Variants in FRMD4A observed in about 807,000 individuals in gnomAD.
The protein encoded by FRMD4A is FERM domain-containing protein 4A.
Under a neutral mutation model 129.1 loss-of-function variants are expected in FRMD4A, and 29 were observed. The observed-to-expected ratio is 0.22, with a 90% CI of 0.17 to 0.31. FRMD4A has a LOEUF of 0.31. Among genes scored for constraint, FRMD4A ranks in the 10% least tolerant of loss-of-function variants. FRMD4A has a pLI of 1.00. For synonymous variants in FRMD4A, 634 were observed against 571.6 expected (o/e 1.11, Z -1.56); for missense variants, 1,272 against 1,375.8 (o/e 0.92, Z 1.19).
chr10:14,147,619 G>A (rs1262076007), intron 2 of FRMD4A, among the ~76,000 whole-genome samples: 21 of 152,014 alleles, frequency 1.4e-4, no homozygotes, highest in Admixed American at 2.6e-4. Context: ...CATAAGGAAC[G>A]TGCGACCTAG....
At chr10:13,957,327 T>A (rs959113097) in intron 2 of FRMD4A, among the ~76,000 whole-genome samples, 3 of 152,182 alleles carry the variant, frequency 2.0e-5, no homozygotes, top group African/African-American at 7.2e-5. Flanking sequence ...AATCTGGGCT[T>A]ACTGCAATCT....
intron 2 of FRMD4A, among the ~76,000 whole-genome samples, chr10:14,060,345 A>T (rs1565220127): frequency 6.6e-6 from 1 of 152,176 alleles, no homozygotes; most frequent in Non-Finnish European, 1.5e-5. Flanking sequence ...GGAACACTGA[A>T]CACATCCTTG....
chr10:14,270,692 G>T (rs537792760), intron 2 of FRMD4A, among the ~76,000 whole-genome samples: 6 of 152,314 alleles, frequency 3.9e-5, no homozygotes, highest in African/African-American at 1.4e-4. Context: ...CCTGTGAATA[G>T]GCTCTTGGAA....
At chr10:14,101,779 C>T (rs912386508) in intron 2 of FRMD4A, among the ~76,000 whole-genome samples, 1 of 151,198 alleles carries the variant, frequency 6.6e-6, no homozygotes, top group Middle Eastern at 3.2e-3. Flanking sequence ...CACAACACAA[C>T]ACATCTCTCC....
intron 4 of FRMD4A, among the ~76,000 whole-genome samples, chr10:13,799,386 G>C (rs976464061): frequency 6.6e-6 from 1 of 152,206 alleles, no homozygotes; most frequent in East Asian, 1.9e-4. Context: ...ACAAACTCCT[G>C]AACTCAGGCA....
chr10:14,207,787 T>C (rs908073623), intron 2 of FRMD4A, among the ~76,000 whole-genome samples: 2 of 151,974 alleles, frequency 1.3e-5, no homozygotes, highest in Non-Finnish European at 2.9e-5. Context: ...GTTACTAGTG[T>C]TTTTTATATA....
intron 17 of FRMD4A, among the ~76,000 whole-genome samples, chr10:13,669,057 G>GATT (rs541360128): frequency 3.3e-4 from 32 of 97,458 alleles, no homozygotes; most frequent in Non-Finnish European, 4.8e-4. Context: ...CTGAGCTTTA[G>GATT]TTTTTTTTTT....
At position 13,994,129 on chromosome 10, in the gene FRMD4A, C is replaced by A. The variant is rs1357566324; in HGVS notation, c.46-135217G>T. The stretch of plus-strand genomic sequence containing the variant: ...GGTTCAGCGATTCTGCTGTCTCAGC[C>A]TCCCGAGTAGCTGGGATGACAGGAG... On this transcript the variant is annotated intron_variant, in intron 2 of 24. Coordinates refer to ENST00000357447, the MANE Select transcript of FRMD4A (RefSeq NM_018027.5). Among the ~76,000 whole-genome samples, 4 of 150,714 alleles carry A rather than the reference C, an allele frequency of 2.7e-5. No homozygotes were observed. In the East Asian group the frequency reaches 5.8e-4, roughly 22 times the overall value.
chr10:14,067,279 G>A (rs1368719786), intron 2 of FRMD4A, among the ~76,000 whole-genome samples: 1 of 152,000 alleles, frequency 6.6e-6, no homozygotes, highest in Admixed American at 6.5e-5. Flanking sequence ...CCATGCCATT[G>A]CACTCCAGCC....
At chr10:13,976,652 T>C (rs757893819) in intron 2 of FRMD4A, among the ~76,000 whole-genome samples, 1 of 152,330 alleles carries the variant, frequency 6.6e-6, no homozygotes, top group Non-Finnish European at 1.5e-5. Context: ...GCAAGTAATG[T>C]GTAGTGCTAT....
rs78513234 is a variant in FRMD4A at position 14,025,344 on chromosome 10, T to C, written c.46-166432A>G. ...AATGTTTGGAAATTGTGGTAAAATA[T>C]ACCTCACATAAATTTTGCCATCTTA... On this transcript the variant is annotated intron_variant, in intron 2 of 24. Coordinates refer to ENST00000357447, the MANE Select transcript of FRMD4A (RefSeq NM_018027.5). Among the ~76,000 whole-genome samples the C allele has an allele frequency of 7.4e-3, 1,119 of 152,196 alleles. 51 individuals carry two copies. The East Asian group carries it at 0.1, about 14-fold the overall frequency.
chr10:13,868,954 G>A lies in FRMD4A; in HGVS notation c.46-10042C>T, dbSNP rs116093743. On this transcript the variant is annotated intron_variant, in intron 2 of 24. Coordinates refer to ENST00000357447, the MANE Select transcript of FRMD4A (RefSeq NM_018027.5). ...ATTGATGTAATAGAAAATGGAAATA[G>A]CAATGCATTCTTCAAAGCTCAACCC... Among the ~76,000 whole-genome samples, 607 of 152,298 alleles carry A rather than the reference G, an allele frequency of 4.0e-3. 2 individuals carry two copies. The highest frequency in any genetic ancestry group is 0.014 in the African/African-American group (581 of 41,566).
At chr10:13,705,668 C>T (rs2087353903) in intron 13 of FRMD4A, among the ~76,000 whole-genome samples, 1 of 152,172 alleles carries the variant, frequency 6.6e-6, no homozygotes, top group Non-Finnish European at 1.5e-5. Context: ...TTTGAAATCT[C>T]CCCGCCCACC....
intron 23 of FRMD4A, chr10:13,653,795 G>A (rs1372544214): frequency 6.5e-6 from 1 of 154,012 alleles, no homozygotes; most frequent in African/African-American, 2.4e-5. Flanking sequence ...CAGTAGTTCA[G>A]AATAGCCTCA....
intron 3 of FRMD4A, among the ~76,000 whole-genome samples, chr10:13,820,754 C>T (rs2093618098): frequency 6.6e-6 from 1 of 152,196 alleles, no homozygotes; most frequent in African/African-American, 2.4e-5. Flanking sequence ...CCGGATGGCA[C>T]AGCCACAGCC....
chr10:14,030,946 A>G (rs1833212658), intron 2 of FRMD4A, among the ~76,000 whole-genome samples: 1 of 152,118 alleles, frequency 6.6e-6, no homozygotes, highest in African/African-American at 2.4e-5. Context: ...ACCAGTCACA[A>G]GGATGAATTT....
chr10:14,186,823 A>G (rs1842159969), intron 2 of FRMD4A, among the ~76,000 whole-genome samples: 1 of 152,130 alleles, frequency 6.6e-6, no homozygotes, highest in Admixed American at 6.5e-5. Flanking sequence ...TGTACCCTTA[A>G]GGAATACCCT....
In FRMD4A at chr10:13,660,364, T is replaced by C; in HGVS notation, c.1850A>G (p.Asp617Gly). Residue 617 changes from aspartate to glycine, a missense_variant, in exon 20 of 25, where the codon GAT (aspartate) becomes GGT (glycine). This residue lies in a region of FRMD4A where 972 missense variants were observed against 892.3 expected (regional missense o/e 1.09). Transcript: ENST00000357447. ...KPKMWSESSLDEPYEKVKKRS... is the reference protein window; with the variant it reads ...KPKMWSESSLGEPYEKVKKRS... ...CTTCTTGACCTTCTCATAGGGTTCA[T>C]CTAAAGAGGACTCACTCCACATTTT... 1 of 1,614,150 alleles carries C rather than the reference T, an allele frequency of 6.2e-7. No homozygotes were observed. The highest frequency in any genetic ancestry group is 8.5e-7 in the Non-Finnish European group (1 of 1,179,984).
intron 15 of FRMD4A, among the ~76,000 whole-genome samples, chr10:13,689,198 CGGGG>C (rs61670615): frequency 2.4e-4 from 16 of 68,068 alleles, no homozygotes; most frequent in Middle Eastern, 9.6e-3. Flanking sequence ...AAACTCTTTG[CGGGG>C]GGGGGGGGGG....
Sources: gnomAD v4.1 joint callset for allele counts (sites outside exome capture counted in the v4.1 genomes callset) on GRCh38, gnomAD v4.1.1 for gene constraint, gnomAD v4.1.1 regional missense constraint, MANE v1.5 for transcripts, NCBI Gene and HGNC (gene_info 2026-07-23, HGNC 2026-07-21) for gene names.